Variants in ZBTB20 observed in about 807,000 individuals in gnomAD.
ZBTB20 encodes zinc finger and BTB domain containing 20, also known as zinc finger and BTB domain-containing protein 20.
ZBTB20 carries 9 observed loss-of-function variants against 56.9 expected under a neutral mutation model. The ratio of observed to expected loss-of-function variants is 0.16; its 90% CI spans 0.10 to 0.28. ZBTB20 has a LOEUF of 0.28. Ranked by LOEUF, ZBTB20 falls within the 10% of genes least tolerant of loss-of-function variation. The pLI, the probability that ZBTB20 is intolerant of heterozygous loss-of-function variation, is 1.00. For missense variants in ZBTB20, 655 were observed against 1,003.0 expected, an observed-to-expected ratio of 0.65 and a Z score of 4.69; for synonymous variants, 417 against 420.7, an observed-to-expected ratio of 0.99 and a Z score of 0.11.
chr3:114,967,860 G>C (rs2077710262), intron 3 of ZBTB20, among the ~76,000 whole-genome samples: 1 of 151,844 alleles, frequency 6.6e-6, no homozygotes, highest in African/African-American at 2.4e-5. Context: ...AGGAGGCTGA[G>C]GCACGAGAAT....
rs891294190 is a variant in ZBTB20, at chr3:115,106,085, G to A, written c.-702-34671C>T. On this transcript the variant is annotated intron_variant, in intron 1 of 11. Transcript: ENST00000675478. ...CCCACCTCAGCCTCCCAAAGTGCTG[G>A]GATTACAGGCGTGAGCCACCGTGCC... 6.6e-5 allele frequency among the ~76,000 whole-genome samples: 10 copies of A among 152,134 alleles called. 1 individual carries two copies. Among genetic ancestry groups the A allele is most frequent in the Admixed American group, 5.9e-4 (9 of 15,288 alleles).
At chr3:115,062,219 G>A (rs1393841180) in intron 2 of ZBTB20, among the ~76,000 whole-genome samples, 8 of 152,194 alleles carry the variant, frequency 5.3e-5, no homozygotes, top group Non-Finnish European at 4.4e-5. Flanking sequence ...CACCATTGAT[G>A]TTTGAGCAAG....
chr3:114,344,662 T>C (rs746234373), intron 11 of ZBTB20, among the ~76,000 whole-genome samples: 2 of 152,222 alleles, frequency 1.3e-5, no homozygotes, highest in Non-Finnish European at 2.9e-5. Flanking sequence ...AGTGGTAATA[T>C]CATGGCCTTC....
chr3:114,619,326 G>C lies in ZBTB20; in HGVS notation c.-295+74202C>G, dbSNP rs187811746. ...TTACATCTAGGAATTCAGTTTACTA[G>C]AGAGTGAGCAGGGAAAATAAAGAGA... On this transcript the variant is annotated intron_variant, in intron 6 of 11. Transcript: ENST00000675478. 2.3e-3 allele frequency among the ~76,000 whole-genome samples: 352 copies of C among 152,196 alleles called. 1 individual carries two copies. Among genetic ancestry groups the C allele is most frequent in the African/African-American group, 7.4e-3 (306 of 41,528 alleles).
intron 5 of ZBTB20, among the ~76,000 whole-genome samples, chr3:114,734,555 T>A (rs915377926): frequency 6.6e-6 from 1 of 152,152 alleles, no homozygotes; most frequent in African/African-American, 2.4e-5. Flanking sequence ...GACTAATTGA[T>A]ATAAATAAGA....
chr3:114,993,447 T>G (rs765054571), intron 2 of ZBTB20, among the ~76,000 whole-genome samples: 1 of 151,826 alleles, frequency 6.6e-6, no homozygotes, highest in Non-Finnish European at 1.5e-5. Context: ...TGTAAAAACT[T>G]CACCTTTTGA....
intron 7 of ZBTB20, among the ~76,000 whole-genome samples, chr3:114,491,490 C>A (rs2042747820): frequency 6.6e-6 from 1 of 151,788 alleles, no homozygotes; most frequent in Admixed American, 6.6e-5. Context: ...ACCTCTTAAC[C>A]TTTCAGTACC....
chr3:114,442,845 C>T (rs142995956), intron 7 of ZBTB20, among the ~76,000 whole-genome samples: 1 of 152,126 alleles, frequency 6.6e-6, no homozygotes, highest in South Asian at 2.1e-4. Context: ...TATCTCTACC[C>T]TTACATGTCT....
intron 5 of ZBTB20, among the ~76,000 whole-genome samples, chr3:114,751,371 T>C (rs1450756586): frequency 2.0e-5 from 3 of 152,286 alleles, no homozygotes; most frequent in African/African-American, 2.4e-5. Flanking sequence ...CATGAGCATA[T>C]AATTTGTGCA....
chr3:114,968,351 TA>T (rs1393457571), intron 3 of ZBTB20, among the ~76,000 whole-genome samples: 2 of 152,222 alleles, frequency 1.3e-5, no homozygotes, highest in African/African-American at 4.8e-5. Context: ...ATTATAACCT[TA>T]AAAAACTGAT....
chr3:114,689,768 A>C (rs1190300152), intron 6 of ZBTB20, among the ~76,000 whole-genome samples: 2 of 152,176 alleles, frequency 1.3e-5, no homozygotes, highest in African/African-American at 4.8e-5. Flanking sequence ...TTTATATTCT[A>C]GGTTTATGTG....
Position 114,337,822 on chromosome 3 carries a change from G to T in ZBTB20, c.*1183C>A, listed in dbSNP as rs778982629. 6.6e-6 allele frequency: 1 copy of T among 151,726 alleles called. No homozygotes were observed. The highest frequency in any genetic ancestry group is 1.9e-4 in the East Asian group (1 of 5,200). The allele number at this position is 151,726 out of a possible 1,614,324, so 9.4% of individuals were successfully genotyped here. A position where few individuals can be genotyped will look rare whatever the true frequency, so the allele number is the denominator to read the frequency against. Reference sequence around the variant, plus strand: ...TTGACTTACCAAAAAATATATATATGTGTGTGAAATAAAATAAAAGAGAAG... The same window carrying T: ...TTGACTTACCAAAAAATATATATATTTGTGTGAAATAAAATAAAAGAGAAG... On this transcript the variant is annotated 3_prime_UTR_variant, in exon 12 of 12. Transcript: ENST00000675478.
intron 6 of ZBTB20, among the ~76,000 whole-genome samples, chr3:114,692,766 A>G (rs1318329654): frequency 6.6e-6 from 1 of 152,156 alleles, no homozygotes; most frequent in Non-Finnish European, 1.5e-5. Flanking sequence ...GGAAATATCA[A>G]GAATTCTAGA....
intron 6 of ZBTB20, among the ~76,000 whole-genome samples, chr3:114,535,180 CA>C (rs869137186): frequency 1.3e-5 from 2 of 151,958 alleles, no homozygotes; most frequent in Non-Finnish European, 2.9e-5. Flanking sequence ...AAAAACCCTT[CA>C]AAAAATTGAT....
rs112241354 is a variant in ZBTB20, at chr3:114,453,171, A to G, written c.-255+47181T>C. Reference sequence around the variant, plus strand: ...TTTGCTACAACACAAATTCATGGTAAAAATATACATGCATAGGCAAAAATT... The same window carrying G: ...TTTGCTACAACACAAATTCATGGTAGAAATATACATGCATAGGCAAAAATT... On this transcript the variant is annotated intron_variant, in intron 7 of 11. Coordinates refer to ENST00000675478, the MANE Select transcript of ZBTB20 (RefSeq NM_001348800.3). Among the ~76,000 whole-genome samples the G allele has an allele frequency of 2.4e-3, 369 of 152,304 alleles. 2 individuals carry two copies. The highest frequency in any genetic ancestry group is 7.7e-3 in the African/African-American group (322 of 41,570).
At chr3:115,139,528 GATATA>G (rs952211358) in intron 1 of ZBTB20, among the ~76,000 whole-genome samples, 8 of 151,854 alleles carry the variant, frequency 5.3e-5, no homozygotes, top group African/African-American at 7.3e-5. Context: ...TCTGTGCATG[GATATA>G]ATATAAGATC....
intron 4 of ZBTB20, among the ~76,000 whole-genome samples, chr3:114,851,977 T>G (rs372330486): frequency 1.3e-5 from 2 of 152,100 alleles, no homozygotes; most frequent in African/African-American, 4.8e-5. Context: ...GAGATACGAG[T>G]TGCCAATCAA....
intron 2 of ZBTB20, among the ~76,000 whole-genome samples, chr3:114,977,286 G>T (rs914180386): frequency 6.6e-6 from 1 of 152,144 alleles, no homozygotes; most frequent in Admixed American, 6.5e-5. Flanking sequence ...GTCCTGAAAT[G>T]AACTAAAATG....
At chr3:114,633,472 A>G (rs2059079471) in intron 6 of ZBTB20, among the ~76,000 whole-genome samples, 1 of 152,150 alleles carries the variant, frequency 6.6e-6, no homozygotes, top group African/African-American at 2.4e-5. Flanking sequence ...TGGATAGGGA[A>G]TAAGAAAGAA....
Sources: gnomAD v4.1 joint callset for allele counts (sites outside exome capture counted in the v4.1 genomes callset) on GRCh38, gnomAD v4.1.1 for gene constraint, MANE v1.5 for transcripts, NCBI Gene and HGNC (gene_info 2026-07-23, HGNC 2026-07-21) for gene names.